GMDS: variants seen among roughly 807,000 people sequenced by gnomAD.
GMDS encodes the protein GDP-mannose 4,6-dehydratase, also known as GDP-mannose 4,6 dehydratase.
GMDS carries 20 observed loss-of-function variants against 49.9 expected under a neutral mutation model. That is an observed-to-expected ratio of 0.40 (90% CI 0.28 to 0.58). The LOEUF is 0.58. Ranked by LOEUF, GMDS falls within the 20% of genes least tolerant of loss-of-function variation. The pLI is 0.42. For missense variants in GMDS, 362 were observed against 481.4 expected, an observed-to-expected ratio of 0.75 and a Z score of 2.32; for synonymous variants, 177 against 178.6, an observed-to-expected ratio of 0.99 and a Z score of 0.07.
intron 4 of GMDS, among the ~76,000 whole-genome samples, chr6:2,033,723 G>A (rs951853441): frequency 6.6e-5 from 10 of 152,166 alleles, no homozygotes; most frequent in Non-Finnish European, 1.5e-4. Flanking sequence ...CAGTACAGAT[G>A]AGTCGTTCCT....
intron 7 of GMDS, among the ~76,000 whole-genome samples, chr6:1,907,517 A>C (rs1477902336): frequency 6.6e-6 from 1 of 152,238 alleles, no homozygotes; most frequent in Non-Finnish European, 1.5e-5. Context: ...GTGACAGGAC[A>C]GGAACCCTTC....
chr6:1,772,979 G>C (rs1015490211), intron 7 of GMDS, among the ~76,000 whole-genome samples: 1 of 152,184 alleles, frequency 6.6e-6, no homozygotes, highest in African/African-American at 2.4e-5. Flanking sequence ...CTTACTTTGT[G>C]AATGACAGAG....
chr6:2,229,245 A>C (rs1581830131), intron 1 of GMDS, among the ~76,000 whole-genome samples: 1 of 152,090 alleles, frequency 6.6e-6, no homozygotes, highest in Non-Finnish European at 1.5e-5. Flanking sequence ...CTTTCGTCCT[A>C]GTACAGATAA....
At chr6:1,795,625 A>C (rs1337417859) in intron 7 of GMDS, among the ~76,000 whole-genome samples, 1 of 152,218 alleles carries the variant, frequency 6.6e-6, no homozygotes, top group African/African-American at 2.4e-5. Context: ...AATCAGGAGG[A>C]AATATGCTTT....
chr6:1,724,335 G>A (rs141937386), intron 9 of GMDS, among the ~76,000 whole-genome samples: 24 of 152,310 alleles, frequency 1.6e-4, no homozygotes, highest in Non-Finnish European at 2.4e-4. Context: ...CAAAAGAAAC[G>A]GGAGGGATGC....
intron 7 of GMDS, among the ~76,000 whole-genome samples, chr6:1,878,181 G>A (rs1294944131): frequency 6.6e-6 from 1 of 152,020 alleles, no homozygotes; most frequent in Non-Finnish European, 1.5e-5. Context: ...CAGGCGTGGT[G>A]GCGGGCACCT....
chr6:2,038,677 T>C (rs1312113234), intron 4 of GMDS, among the ~76,000 whole-genome samples: 1 of 152,084 alleles, frequency 6.6e-6, no homozygotes, highest in Non-Finnish European at 1.5e-5. Context: ...TCCCGAAATA[T>C]GCTCCTTGGA....
At chr6:2,106,445 T>C (rs1322189136) in intron 4 of GMDS, among the ~76,000 whole-genome samples, 1 of 152,172 alleles carries the variant, frequency 6.6e-6, no homozygotes, top group African/African-American at 2.4e-5. Flanking sequence ...TTAAAAGAGG[T>C]ATTAAGTCTA....
intron 1 of GMDS, among the ~76,000 whole-genome samples, chr6:2,236,070 C>T (rs550826563): frequency 6.6e-6 from 1 of 152,270 alleles, no homozygotes; most frequent in African/African-American, 2.4e-5. Context: ...GATTTGTTTG[C>T]TATGCAGAAT....
At position 1,766,137 on chromosome 6, in the gene GMDS, G is replaced by A. The variant is rs1348336797; in HGVS notation, c.772-23551C>T. Among the ~76,000 whole-genome samples the A allele has an allele frequency of 6.6e-6, 1 of 152,150 alleles. No individual in the cohort carries two copies. Among genetic ancestry groups the A allele is most frequent in the Non-Finnish European group, 1.5e-5 (1 of 68,030 alleles). On this transcript the variant is annotated intron_variant, in intron 7 of 10. Transcript: ENST00000380815. This position sits in a 1 kb window ranked among gnomAD's most constrained non-coding sequence, Gnocchi z 4.5. ...GAAGCTCAGGATGATTCATGGATTC[G>A]CTGCCCGTCTGTTTAAATGTAATAC...
At chr6:1,930,039 C>T (rs773016137) in intron 7 of GMDS, 64 bp downstream of exon 7, 565 of 1,447,128 alleles carry the variant, frequency 3.9e-4, no homozygotes, top group Middle Eastern at 5.3e-4. Flanking sequence ...TTTCACTGTA[C>T]GCTTGGCATT....
At chr6:2,128,119 A>G (rs1306979125) in intron 1 of GMDS, among the ~76,000 whole-genome samples, 1 of 151,940 alleles carries the variant, frequency 6.6e-6, no homozygotes, top group Non-Finnish European at 1.5e-5. Flanking sequence ...ATTAAATGCC[A>G]TACTATTTTG....
chr6:1,759,306 A>G (rs1278782643), intron 7 of GMDS, among the ~76,000 whole-genome samples: 1 of 152,202 alleles, frequency 6.6e-6, no homozygotes, highest in Non-Finnish European at 1.5e-5. Context: ...TTGTCATTCA[A>G]TTCCACAAAT....
chr6:1,743,435 C>G (rs5017131), intron 7 of GMDS, among the ~76,000 whole-genome samples: 2 of 146,010 alleles, frequency 1.4e-5, no homozygotes, highest in Non-Finnish European at 1.5e-5. Flanking sequence ...CCCAGCTACT[C>G]GGGAGGCTGA....
chr6:2,162,426 C>T (rs1162614964), intron 1 of GMDS, among the ~76,000 whole-genome samples: 1 of 152,068 alleles, frequency 6.6e-6, no homozygotes, highest in Non-Finnish European at 1.5e-5. Context: ...AAATAATAGA[C>T]ATCTGTTTCC....
chr6:2,109,977 C>T (rs1006461318), intron 4 of GMDS, among the ~76,000 whole-genome samples: 2 of 152,192 alleles, frequency 1.3e-5, no homozygotes, highest in African/African-American at 4.8e-5. Flanking sequence ...CCCTGTCAGG[C>T]TCCCCAGGGT....
intron 4 of GMDS, among the ~76,000 whole-genome samples, chr6:2,032,559 T>C (rs1404424797): frequency 2.0e-5 from 3 of 152,200 alleles, no homozygotes; most frequent in Non-Finnish European, 4.4e-5. Context: ...ATTTATTAAA[T>C]ATTTACTGAT....
intron 9 of GMDS, among the ~76,000 whole-genome samples, chr6:1,713,765 T>C (rs562554553): frequency 6.6e-6 from 1 of 152,358 alleles, no homozygotes; most frequent in East Asian, 1.9e-4. Flanking sequence ...TAGTCTCTTC[T>C]CTTTTTCTTA....
intron 4 of GMDS, among the ~76,000 whole-genome samples, chr6:1,979,481 A>G (rs1354234768): frequency 1.3e-5 from 2 of 152,252 alleles, no homozygotes; most frequent in African/African-American, 4.8e-5. Context: ...TAAGACAGGC[A>G]AAAAAGAATA....
Sources: allele counts gnomAD v4.1 joint callset (sites outside exome capture counted in the v4.1 genomes callset), GRCh38; gene constraint gnomAD v4.1.1; non-coding constraint Gnocchi (gnomAD v3.1); transcripts MANE v1.5; gene names NCBI Gene and HGNC (gene_info 2026-07-23, HGNC 2026-07-21).